The following ARIH1 variants were observed in gnomAD, a reference collection of about 807,000 sequenced individuals.
ARIH1 encodes E3 ubiquitin-protein ligase ARIH1.
A neutral mutation model predicts 85.0 loss-of-function variants in ARIH1; 8 were observed. The ratio of observed to expected loss-of-function variants is 0.09; its 90% CI spans 0.06 to 0.17. The LOEUF is 0.17. Ranked by LOEUF, ARIH1 falls within the 10% of genes least tolerant of loss-of-function variation. ARIH1 has a pLI of 1.00. For missense variants in ARIH1, 311 were observed against 718.1 expected (o/e 0.43, Z 6.48); for synonymous variants, 238 against 253.6 (o/e 0.94, Z 0.59).
intron 12 of ARIH1, 142 bp from the exon 13 acceptor site, chr15:72,581,933 T>C (rs767978524): frequency 2.8e-5 from 15 of 540,452 alleles, no homozygotes; most frequent in Non-Finnish European, 3.4e-5. Flanking sequence ...TGAAAGCCCA[T>C]AGAGCTTTAC....
chr15:72,484,513 T>C (rs1004127757), intron 1 of ARIH1, among the ~76,000 whole-genome samples: 11 of 152,050 alleles, frequency 7.2e-5, no homozygotes, highest in African/African-American at 7.2e-5. Flanking sequence ...TGAGAACATA[T>C]AATGTTTGGT....
intron 5 of ARIH1, among the ~76,000 whole-genome samples, chr15:72,559,383 C>T (rs188135493): frequency 1.1e-4 from 17 of 152,130 alleles, no homozygotes; most frequent in African/African-American, 4.1e-4. Context: ...GATTCTCCTG[C>T]CTCAGCCTCC....
At chr15:72,577,568 G>A (rs899850619) in intron 11 of ARIH1, among the ~76,000 whole-genome samples, 9 of 152,058 alleles carry the variant, frequency 5.9e-5, no homozygotes, top group African/African-American at 1.9e-4. Context: ...AGCTACTTGG[G>A]AAGATAAGGC....
At chr15:72,552,747 AAAC>A (rs2140428012) in intron 3 of ARIH1, among the ~76,000 whole-genome samples, 1 of 152,138 alleles carries the variant, frequency 6.6e-6, no homozygotes, top group Admixed American at 6.5e-5. Context: ...TAGAGGAAAC[AAAC>A]AACAGGGATG....
At chr15:72,574,899 CCCGCCG>C (rs1164365747) in intron 11 of ARIH1, among the ~76,000 whole-genome samples, 2 of 125,434 alleles carry the variant, frequency 1.6e-5, no homozygotes, top group African/African-American at 2.7e-5. Flanking sequence ...GTAAGACCCC[CCCGCCG>C]CCCCCGCCCA....
intron 7 of ARIH1, 76 bp from the exon 8 acceptor site, chr15:72,566,487 C>A: frequency 8.7e-7 from 1 of 1,150,966 alleles, no homozygotes; most frequent in Non-Finnish European, 1.3e-6. Context: ...AACTATAAGG[C>A]ATGAAATGAT....
intron 1 of ARIH1, among the ~76,000 whole-genome samples, chr15:72,484,806 C>G (rs2063831422): frequency 7.1e-6 from 1 of 140,322 alleles, no homozygotes; most frequent in South Asian, 2.4e-4. Context: ...CACACACACA[C>G]CACAGTTTCT....
chr15:72,502,840 G>C (rs967311874), intron 1 of ARIH1, among the ~76,000 whole-genome samples: 1 of 151,922 alleles, frequency 6.6e-6, no homozygotes, highest in South Asian at 2.1e-4. Flanking sequence ...AGTGATGAAG[G>C]TATGACATTC....
Position 72,566,412 on chromosome 15 carries a change from G to A in ARIH1, c.912-151G>A, listed in dbSNP as rs2064221311. 5 of 679,232 alleles carry A rather than the reference G, an allele frequency of 7.4e-6. No individual in the cohort carries two copies. The South Asian group carries it at 8.6e-5, about 12-fold the overall frequency. 42.1% of individuals were successfully genotyped at this position (679,232 alleles called of 1,614,324 possible). A position where few individuals can be genotyped will look rare whatever the true frequency, so the allele number is the denominator to read the frequency against. ...ACTACTAAATTCTAGGTAATTAACT[G>A]TAAAGCAGACATGGGTTCTCTCCTT... On this transcript the variant is annotated intron_variant, in intron 7 of 13. Coordinates refer to ENST00000379887, the MANE Select transcript of ARIH1 (RefSeq NM_005744.5).
intron 1 of ARIH1, among the ~76,000 whole-genome samples, chr15:72,485,777 A>G (rs1395805258): frequency 6.6e-6 from 1 of 152,194 alleles, no homozygotes; most frequent in African/African-American, 2.4e-5. Flanking sequence ...TTGACTGTAT[A>G]TACACAACTC....
chr15:72,544,227 G>A (rs2064119541), intron 2 of ARIH1, among the ~76,000 whole-genome samples: 1 of 151,960 alleles, frequency 6.6e-6, no homozygotes, highest in South Asian at 2.1e-4. Flanking sequence ...TGTTTAGAAA[G>A]CAAGTCTATT....
intron 2 of ARIH1, among the ~76,000 whole-genome samples, chr15:72,523,697 A>G (rs1409626553): frequency 1.3e-5 from 2 of 151,898 alleles, no homozygotes; most frequent in African/African-American, 4.8e-5. Flanking sequence ...TGAATGTACC[A>G]CTCTGTGTTG....
intron 1 of ARIH1, among the ~76,000 whole-genome samples, chr15:72,511,510 G>C (rs905256053): frequency 2.6e-5 from 4 of 151,958 alleles, no homozygotes; most frequent in African/African-American, 9.7e-5. Context: ...TCATCATGTT[G>C]GCCAGGCTGG....
chr15:72,565,278 C>T (rs2064214405), intron 7 of ARIH1, among the ~76,000 whole-genome samples: 1 of 151,962 alleles, frequency 6.6e-6, no homozygotes, highest in Admixed American at 6.6e-5. Flanking sequence ...TTAATAGAGA[C>T]AGCATTTCAC....
intron 1 of ARIH1, chr15:72,475,243 C>T (rs1191103998): frequency 3.0e-6 from 3 of 995,240 alleles, no homozygotes; most frequent in Non-Finnish European, 4.0e-6. Context: ...CCAAGTCCTG[C>T]TATGGCGGAG....
chr15:72,581,928 G>A (rs2064296791), intron 12 of ARIH1, 147 bp from the exon 13 acceptor site: 1 of 497,206 alleles, frequency 2.0e-6, no homozygotes, highest in Non-Finnish European at 3.7e-6. Flanking sequence ...AGAGATGAAA[G>A]CCCATAGAGC....
rs564624188 is a variant in ARIH1, at chr15:72,584,104, A to T, written c.*812A>T. 1 of 152,244 alleles carries T rather than the reference A, an allele frequency of 6.6e-6. No homozygotes were observed. The highest frequency in any genetic ancestry group is 1.9e-4 in the East Asian group (1 of 5,184). 9.4% of individuals were successfully genotyped at this position (152,244 alleles called of 1,614,324 possible). Reference sequence around the variant, plus strand: ...TCGGTTTAGCACCTCTGGAAGACCTATCTAGAGCTCTTTCACTTTCCTGAG... The same window carrying T: ...TCGGTTTAGCACCTCTGGAAGACCTTTCTAGAGCTCTTTCACTTTCCTGAG... On this transcript the variant is annotated 3_prime_UTR_variant, in exon 14 of 14. Transcript: ENST00000379887.
intron 2 of ARIH1, among the ~76,000 whole-genome samples, chr15:72,521,345 A>G (rs2063999189): frequency 6.6e-6 from 1 of 151,994 alleles, no homozygotes; most frequent in South Asian, 2.1e-4. Flanking sequence ...AACTCTTAAT[A>G]TACTGAAACT....
At chr15:72,580,428 T>C (rs532493388) in intron 11 of ARIH1, 1 of 295,192 alleles carries the variant, frequency 3.4e-6, no homozygotes, top group South Asian at 5.6e-5. Flanking sequence ...CTGATTTCAA[T>C]TCCTTTTCAT....
Sources: allele counts gnomAD v4.1 joint callset (sites outside exome capture counted in the v4.1 genomes callset), GRCh38; gene constraint gnomAD v4.1.1; transcripts MANE v1.5; gene names NCBI Gene and HGNC (gene_info 2026-07-23, HGNC 2026-07-21).